Variants in SLC5A8 observed in about 807,000 individuals in gnomAD.
The protein encoded by SLC5A8 is solute carrier family 5 member 8, also known as sodium-coupled monocarboxylate transporter 1.
In SLC5A8, 55 loss-of-function variants were observed where a neutral mutation model predicts 71.9. That is an observed-to-expected ratio of 0.77 (90% confidence interval 0.62 to 0.96). SLC5A8 has a LOEUF of 0.96. SLC5A8 is among the 40% of genes least tolerant of loss of function. SLC5A8 has a pLI of 0.00. For missense variants in SLC5A8, 701 were observed against 745.3 expected, an observed-to-expected ratio of 0.94 and a Z score of 0.69; for synonymous variants, 307 against 276.1, an observed-to-expected ratio of 1.11 and a Z score of -1.11.
Position 101,183,292 on chromosome 12 carries a change from G to A in SLC5A8, c.1053-377C>T, listed in dbSNP as rs547067840. Among the ~76,000 whole-genome samples, 11 of 152,024 alleles carry A rather than the reference G, an allele frequency of 7.2e-5. No homozygotes were observed. In the South Asian group the frequency reaches 1.9e-3, roughly 26 times the overall value. ...GATCTCCTGACCTCATGATCCACCC[G>A]CCTTGACCTCCCAAAGTGCTGGGAT... On this transcript the variant is annotated intron_variant, in intron 8 of 14. Transcript: ENST00000536262.
At chr12:101,186,877 T>G (rs559073600) in intron 7 of SLC5A8, among the ~76,000 whole-genome samples, 26 of 152,184 alleles carry the variant, frequency 1.7e-4, no homozygotes, top group Non-Finnish European at 3.8e-4. Context: ...AAATCAGGAT[T>G]GCAGGGTTGT....
At chr12:101,165,288 A>G (rs2051758819) in intron 12 of SLC5A8, among the ~76,000 whole-genome samples, 1 of 152,222 alleles carries the variant, frequency 6.6e-6, no homozygotes, top group African/African-American at 2.4e-5. Context: ...TCAGGAATCC[A>G]AATAACCATT....
intron 10 of SLC5A8, among the ~76,000 whole-genome samples, chr12:101,171,913 C>T (rs972884529): frequency 3.9e-5 from 6 of 152,262 alleles, no homozygotes; most frequent in East Asian, 1.9e-4. Context: ...CTTGGAAACA[C>T]GATTACATGA....
Position 101,190,530 on chromosome 12 carries a change from G to A in SLC5A8, c.771C>T (p.Tyr257=), listed in dbSNP as rs201820390. ...IGGTFTWTSI[Y]GVNQSQVQRY... ...TCTGCACCTGGGATTGGTTGACACC[G>A]TAGATGCTGGTCCATGTGAAGGTCC... The change falls in exon 6 of 15, where the codon TAC becomes TAT. Residue 257 remains tyrosine, a synonymous_variant. Coordinates refer to ENST00000536262, the MANE Select transcript of SLC5A8 (RefSeq NM_145913.5). The A allele has an allele frequency of 2.1e-4, 340 of 1,613,144 alleles. 2 individuals are homozygous for A. In the East Asian group the frequency reaches 4.7e-3, roughly 22 times the overall value.
intron 3 of SLC5A8, among the ~76,000 whole-genome samples, chr12:101,199,616 A>G (rs768231379): frequency 1.3e-5 from 2 of 151,998 alleles, no homozygotes; most frequent in African/African-American, 2.4e-5. Flanking sequence ...AATAGGTAAT[A>G]CCCACTAGAA....
chr12:101,195,090 C>A lies in SLC5A8; in HGVS notation c.537+5G>T. 1.2e-6 allele frequency: 2 copies of A among 1,613,898 alleles called. No individual in the cohort carries two copies. The highest frequency in any genetic ancestry group is 4.5e-5 in the East Asian group (2 of 44,880). On this transcript the variant is annotated splice_donor_5th_base_variant and intron_variant, in intron 4 of 14. Transcript: ENST00000536262. ...AGTGAAAAGGGAAATATGTCCTGGA[C>A]GTACCAGTGTGCAGTAGAATGTGCA...
Position 101,161,826 on chromosome 12 carries a change from C to G in SLC5A8, c.1630+148G>C. 5 of 639,232 alleles carry G rather than the reference C, an allele frequency of 7.8e-6. No individual in the cohort carries two copies. The South Asian group carries it at 8.2e-5, about 11-fold the overall frequency. 39.6% of individuals were successfully genotyped at this position (639,232 alleles called of 1,614,324 possible). On this transcript the variant is annotated intron_variant, in intron 13 of 14. Transcript: ENST00000536262. ...TGAGTCTTCTGCTTTCAAGTCTAGG[C>G]CTTCAGATTTCCCATGAGTAAAACA...
intron 5 of SLC5A8, among the ~76,000 whole-genome samples, chr12:101,190,897 C>G (rs527343576): frequency 2.0e-5 from 3 of 152,004 alleles, no homozygotes; most frequent in Non-Finnish European, 2.9e-5. Flanking sequence ...TCTAAGGAAA[C>G]TGTCATTTAA....
intron 4 of SLC5A8, 70 bp downstream of exon 4, chr12:101,195,024 AC>A: frequency 6.7e-7 from 1 of 1,489,640 alleles, no homozygotes; most frequent in Non-Finnish European, 9.3e-7. Flanking sequence ...ATTGCGGTAT[AC>A]AACAACTGGA....
At position 101,178,571 on chromosome 12, in the gene SLC5A8, G is replaced by A. The variant is rs936367777; in HGVS notation, c.1233+1458C>T. ...TGTAAAGGCAGGTCAATGGAAGAAA[G>A]CCTTTTCAACAAATGGTGCTGGTTG... On this transcript the variant is annotated intron_variant, in intron 10 of 14. Transcript: ENST00000536262. Among the ~76,000 whole-genome samples, 6 of 152,204 alleles carry A rather than the reference G, an allele frequency of 3.9e-5. No homozygotes were observed. In the East Asian group the frequency reaches 9.6e-4, roughly 24 times the overall value.
chr12:101,155,720 A>C lies in SLC5A8; in HGVS notation c.*1559T>G, dbSNP rs1001020408. On this transcript the variant is annotated 3_prime_UTR_variant, in exon 15 of 15. Coordinates refer to ENST00000536262, the MANE Select transcript of SLC5A8 (RefSeq NM_145913.5). The stretch of plus-strand genomic sequence containing the variant: ...CTAACTATGTTTCCAGGCTGGACTT[A>C]AACTCTGGACCTCAAGCGATCTTCC... The C allele has an allele frequency of 2.0e-5, 3 of 151,046 alleles. No homozygotes were observed. The highest frequency in any genetic ancestry group is 7.3e-5 in the African/African-American group (3 of 41,158). The allele number at this position is 151,046 out of a possible 1,614,324, so 9.4% of individuals were successfully genotyped here.
At chr12:101,158,889 A>G (rs909275941) in intron 13 of SLC5A8, among the ~76,000 whole-genome samples, 1 of 150,854 alleles carries the variant, frequency 6.6e-6, no homozygotes, top group Non-Finnish European at 1.5e-5. Flanking sequence ...TAAATTACTT[A>G]AGTGAAAATT....
chr12:101,187,411 G>C lies in SLC5A8; in HGVS notation c.938C>G (p.Ala313Gly). 2 of 1,613,696 alleles carry C rather than the reference G, an allele frequency of 1.2e-6. No homozygotes were observed. Among genetic ancestry groups the C allele is most frequent in the African/African-American group, 2.7e-5 (2 of 75,002 alleles). Residue 313 changes from alanine (A) to glycine (G), a missense_variant, in exon 7 of 15, where the codon GCC (alanine) becomes GGC (glycine). Physicochemically the swap from Ala to Gly is moderately conservative, Grantham distance 60 (BLOSUM62 0). Coordinates refer to ENST00000536262, the MANE Select transcript of SLC5A8 (RefSeq NM_145913.5). ...CTGGTCTGGTGCAGACACTTTCTTG[G>C]CTGTCCAAGGATCACAGTCATGGTA... ...SRYHDCDPWT[A>G]KKVSAPDQLM...
chr12:101,183,747 C>T (rs965669023), intron 8 of SLC5A8, among the ~76,000 whole-genome samples: 1 of 152,134 alleles, frequency 6.6e-6, no homozygotes, highest in African/African-American at 2.4e-5. Context: ...TATTATTCAA[C>T]ATGTAAATGG....
chr12:101,209,175 A>C (rs1301454445), intron 1 of SLC5A8, among the ~76,000 whole-genome samples: 2 of 152,230 alleles, frequency 1.3e-5, no homozygotes, highest in Non-Finnish European at 2.9e-5. Context: ...TTGCCTGGGA[A>C]TCAAAGATGC....
At position 101,156,315 on chromosome 12, in the gene SLC5A8, C is replaced by A. The variant is rs1300153912; in HGVS notation, c.*964G>T. ...GTCATCTAACTCCATGGAGCTTAACCATTTTGAAGAATATAATATTCTTGG... is the reference window on the plus strand; with the variant it reads ...GTCATCTAACTCCATGGAGCTTAACAATTTTGAAGAATATAATATTCTTGG... On this transcript the variant is annotated 3_prime_UTR_variant, in exon 15 of 15. Transcript: ENST00000536262. 53 of 152,010 alleles carry A rather than the reference C, an allele frequency of 3.5e-4. No homozygotes were observed. The highest frequency in any genetic ancestry group is 1.3e-4 in the Non-Finnish European group (9 of 68,006). The allele number at this position is 152,010 out of a possible 1,614,324, so 9.4% of individuals were successfully genotyped here.
chr12:101,205,021 C>T (rs1358394996), intron 1 of SLC5A8, among the ~76,000 whole-genome samples: 1 of 152,212 alleles, frequency 6.6e-6, no homozygotes, highest in African/African-American at 2.4e-5. Context: ...TTTCTTGGCT[C>T]ACCTGGGGCA....
chr12:101,171,699 G>A (rs943776290), intron 10 of SLC5A8, among the ~76,000 whole-genome samples: 1 of 152,162 alleles, frequency 6.6e-6, no homozygotes, highest in African/African-American at 2.4e-5. Flanking sequence ...AAGTCTGGAC[G>A]GGAAGCAATG....
chr12:101,199,400 A>G (rs1181613647), intron 3 of SLC5A8: 1 of 152,036 alleles, frequency 6.6e-6, no homozygotes, highest in Non-Finnish European at 1.5e-5. Context: ...TTAAAGGCCT[A>G]GGTAAATGAA....
Sources: allele counts gnomAD v4.1 joint callset (sites outside exome capture counted in the v4.1 genomes callset), GRCh38; gene constraint gnomAD v4.1.1; transcripts MANE v1.5; gene names NCBI Gene and HGNC (gene_info 2026-07-23, HGNC 2026-07-21).